Variants in GLB1 observed in about 807,000 individuals in gnomAD.
GLB1 encodes the protein beta-galactosidase.
Under a neutral mutation model 74.0 loss-of-function variants are expected in GLB1, and 56 were observed. The ratio of observed to expected loss-of-function variants is 0.76; its 90% CI spans 0.61 to 0.94. The LOEUF is 0.94. Ranked by LOEUF, GLB1 falls within the 40% of genes least tolerant of loss-of-function variation. The pLI is 0.00. For synonymous variants in GLB1, 323 were observed against 323.6 expected (o/e 1.00, Z 0.02); for missense variants, 787 against 845.5 (o/e 0.93, Z 0.86).
intron 15 of GLB1, among the ~76,000 whole-genome samples, chr3:33,012,877 G>T (rs1000444088): frequency 6.6e-6 from 1 of 152,084 alleles, no homozygotes; most frequent in African/African-American, 2.4e-5. Context: ...CTCCATCTTA[G>T]ATACCACCAT....
chr3:33,089,198 A>G (rs1306652016), intron 1 of GLB1, among the ~76,000 whole-genome samples: 3 of 152,214 alleles, frequency 2.0e-5, no homozygotes, highest in Admixed American at 6.5e-5. Context: ...AAACATGGGG[A>G]AAAAAGCTAC....
At chr3:33,071,838 G>T (rs1185787522) in intron 2 of GLB1, among the ~76,000 whole-genome samples, 1 of 152,002 alleles carries the variant, frequency 6.6e-6, no homozygotes, top group Non-Finnish European at 1.5e-5. Flanking sequence ...CTCCCTTCTA[G>T]ACCCTCATTG....
intron 15 of GLB1, among the ~76,000 whole-genome samples, chr3:33,002,520 T>C (rs1696621844): frequency 6.6e-6 from 1 of 152,042 alleles, no homozygotes; most frequent in Non-Finnish European, 1.5e-5. Flanking sequence ...GGTGTGAAAC[T>C]ATCGGGGGGA....
intron 1 of GLB1, chr3:33,094,165 C>T (rs199657885): frequency 7.1e-5 from 114 of 1,609,274 alleles, no homozygotes; most frequent in Admixed American, 2.0e-4. Flanking sequence ...GTGGCCTTCG[C>T]GCCTAGGGAC....
At chr3:33,076,417 G>C (rs1255080218) in intron 1 of GLB1, among the ~76,000 whole-genome samples, 2 of 152,188 alleles carry the variant, frequency 1.3e-5, no homozygotes, top group Non-Finnish European at 2.9e-5. Flanking sequence ...GAGCCATGGA[G>C]AGCAACTGAA....
chr3:33,053,643 T>G lies in GLB1; in HGVS notation c.734-94A>C, dbSNP rs1035225439. ...TTCATGGGACTCGGGCCTGAAGCCCTGCTACGGTCAGAATGTTAGTATCCC... is the reference window on the plus strand; with the variant it reads ...TTCATGGGACTCGGGCCTGAAGCCCGGCTACGGTCAGAATGTTAGTATCCC... On this transcript the variant is annotated intron_variant, in intron 6 of 15. Coordinates refer to ENST00000307363, the MANE Select transcript of GLB1 (RefSeq NM_000404.4). 2.0e-5 allele frequency: 31 copies of G among 1,527,908 alleles called. 1 individual carries two copies. In the Admixed American group the frequency reaches 5.6e-4, roughly 28 times the overall value. 94.6% of individuals were successfully genotyped at this position (1,527,908 alleles called of 1,614,324 possible).
intron 15 of GLB1, among the ~76,000 whole-genome samples, chr3:32,998,512 C>CAA (rs35791447): frequency 4.7e-5 from 4 of 84,450 alleles, no homozygotes; most frequent in Non-Finnish European, 4.9e-5. Context: ...GACTCCGTCT[C>CAA]AAAAAAAAAA....
At chr3:33,030,657 C>G in intron 10 of GLB1, 1 of 985,422 alleles carries the variant, frequency 1.0e-6, no homozygotes, top group Non-Finnish European at 1.2e-6. Flanking sequence ...ATCACTGTGG[C>G]TGTTCTCCCA....
intron 14 of GLB1, 143 bp downstream of exon 14, chr3:33,016,566 G>T: frequency 7.1e-7 from 1 of 1,408,726 alleles, no homozygotes; most frequent in Non-Finnish European, 9.8e-7. Context: ...TACCCAGGCT[G>T]GTCTTGAACT....
chr3:33,016,674 T>C, intron 14 of GLB1, 35 bp downstream of exon 14: 1 of 1,612,014 alleles, frequency 6.2e-7, no homozygotes, highest in Middle Eastern at 1.7e-4. Flanking sequence ...TTGTCACCCC[T>C]TAAACCTTAG....
intron 12 of GLB1, 179 bp downstream of exon 12, chr3:33,021,387 G>T: frequency 2.8e-6 from 2 of 714,028 alleles, no homozygotes; most frequent in Non-Finnish European, 4.7e-6. Flanking sequence ...GGCATGATCA[G>T]CCCACCACGC....
At chr3:33,026,004 GTGGGGGAGCAGCGTGGT>G (rs1343434994) in intron 10 of GLB1, among the ~76,000 whole-genome samples, 1 of 152,178 alleles carries the variant, frequency 6.6e-6, no homozygotes, top group Non-Finnish European at 1.5e-5. Context: ...TCACCCGCTG[GTGGGGGAGCAGCGTGGT>G]TGGGCACGGA....
At chr3:33,013,895 C>T (rs1334444760) in intron 15 of GLB1, among the ~76,000 whole-genome samples, 161 bp downstream of exon 15, 2 of 152,148 alleles carry the variant, frequency 1.3e-5, no homozygotes, top group African/African-American at 4.8e-5. Context: ...GCCACTGAAT[C>T]CCTGAAGATC....
intron 1 of GLB1, among the ~76,000 whole-genome samples, chr3:33,083,199 A>C (rs914601706): frequency 6.6e-6 from 1 of 152,166 alleles, no homozygotes; most frequent in Non-Finnish European, 1.5e-5. Context: ...GGAGTTCGAG[A>C]CCAGCCTGAC....
Position 33,024,236 on chromosome 3 carries a change from A to C in GLB1, c.1143+15T>G. 6.3e-7 allele frequency: 1 copy of C among 1,586,662 alleles called. No homozygotes were observed. Among genetic ancestry groups the C allele is most frequent in the Non-Finnish European group, 8.6e-7 (1 of 1,162,380 alleles). On this transcript the variant is annotated intron_variant, in intron 11 of 15. Transcript: ENST00000307363. ...ATCTCTCACTTTCAAAGTTTCTGTTATTTTTTTTTCTTACCTTTTCCAAAG... is the reference window on the plus strand; with the variant it reads ...ATCTCTCACTTTCAAAGTTTCTGTTCTTTTTTTTTCTTACCTTTTCCAAAG...
the GLB1 span, among the ~76,000 whole-genome samples, chr3:32,974,848 G>C: frequency 6.6e-6 from 1 of 152,144 alleles, no homozygotes; most frequent in Non-Finnish European, 1.5e-5. Context: ...TGGGTGATCT[G>C]CTTCACTCAA....
chr3:33,092,575 G>C (rs1700810962), intron 1 of GLB1: 3 of 1,243,804 alleles, frequency 2.4e-6, no homozygotes, highest in South Asian at 6.5e-5. Flanking sequence ...CTGGAAAATA[G>C]AGGGGAGTGC....
At chr3:33,015,687 T>A (rs1697211395) in intron 14 of GLB1, among the ~76,000 whole-genome samples, 1 of 152,178 alleles carries the variant, frequency 6.6e-6, no homozygotes, top group Admixed American at 6.5e-5. Context: ...CAGGAGGCCA[T>A]GAAGTCCACC....
intron 11 of GLB1, among the ~76,000 whole-genome samples, chr3:33,023,132 G>GGTAAACAGAATGTGCTTTT (rs1185925310): frequency 6.6e-6 from 1 of 152,042 alleles, no homozygotes; most frequent in Non-Finnish European, 1.5e-5. Context: ...TTTCCTTCAC[G>GGTAAACAGAATGTGCTTTT]GTAAACAGAA....
Sources: gnomAD v4.1 joint callset for allele counts (sites outside exome capture counted in the v4.1 genomes callset) on GRCh38, gnomAD v4.1.1 for gene constraint, MANE v1.5 for transcripts, NCBI Gene and HGNC (gene_info 2026-07-23, HGNC 2026-07-21) for gene names.